WASHC4: variants seen among roughly 807,000 people sequenced by gnomAD.
WASHC4 encodes the protein WASH complex subunit 4, also known as WASH complex subunit 7.
WASHC4 carries 86 observed loss-of-function variants against 166.6 expected under a neutral mutation model. The ratio of observed to expected loss-of-function variants is 0.52; its 90% confidence interval spans 0.43 to 0.62. The LOEUF (loss-of-function observed/expected upper bound fraction) is 0.62, where lower values mean the gene tolerates loss of function less well. Among genes scored for constraint, WASHC4 ranks in the 20% least tolerant of loss-of-function variants. WASHC4 has a pLI of 0.00. For missense variants in WASHC4, 1,262 were observed against 1,382.4 expected, an observed-to-expected ratio of 0.91 and a Z score of 1.38; for synonymous variants, 446 against 451.6, an observed-to-expected ratio of 0.99 and a Z score of 0.16.
At chr12:105,164,494 G>A in intron 31 of WASHC4, 147 bp from the exon 32 acceptor site, 1 of 803,242 alleles carries the variant, frequency 1.2e-6, no homozygotes, top group Non-Finnish European at 2.0e-6. Flanking sequence ...TTAAAAATGG[G>A]CGGGTTACTT....
At position 105,126,292 on chromosome 12, in the gene WASHC4, T is replaced by C; in HGVS notation, c.968T>C (p.Val323Ala). Residue 323 changes from valine to alanine, a missense_variant, in exon 12 of 33, where the codon GTA (valine) becomes GCA (alanine). Transcript: ENST00000332180. The stretch of plus-strand genomic sequence containing the variant: ...TATGTTGGAATTTGTGGACTCTTTG[T>C]ATTGCACTTTCAGATTTTTCGAACT... The part of the protein sequence containing the change: ...DKYVGICGLF[V>A]LHFQIFRTID... 3 of 1,608,666 alleles carry C rather than the reference T, an allele frequency of 1.9e-6. No individual in the cohort carries two copies. Among genetic ancestry groups the C allele is most frequent in the Non-Finnish European group, 2.6e-6 (3 of 1,175,584 alleles).
intron 13 of WASHC4, among the ~76,000 whole-genome samples, chr12:105,133,421 CCTG>C (rs1438538135): frequency 6.6e-6 from 1 of 152,070 alleles, no homozygotes; most frequent in Non-Finnish European, 1.5e-5. Context: ...TCCTTTTTCC[CCTG>C]CTTTTATTTC....
chr12:105,114,600 C>A (rs79688893), intron 4 of WASHC4, among the ~76,000 whole-genome samples, 173 bp downstream of exon 4: 8,462 of 151,820 alleles, frequency 0.056, 783 homozygotes, highest in African/African-American at 0.19. Context: ...TACAAAACAC[C>A]AGGCTAACAC....
At position 105,152,248 on chromosome 12, in the gene WASHC4, A is replaced by C; in HGVS notation, c.2650-95A>C. The C allele has an allele frequency of 4.3e-6, 3 of 699,194 alleles. No individual in the cohort carries two copies. In the South Asian group the frequency reaches 4.7e-5, roughly 11 times the overall value. The allele number at this position is 699,194 out of a possible 1,614,324, so 43.3% of individuals were successfully genotyped here. A position where few individuals can be genotyped will look rare whatever the true frequency, so the allele number is the denominator to read the frequency against. ...AATTTTTAAGCACAATGAAATACAA[A>C]ATTGAAAGGAGAGTAGTATTGGCAT... On this transcript the variant is annotated intron_variant, in intron 25 of 32. Coordinates refer to ENST00000332180, the MANE Select transcript of WASHC4 (RefSeq NM_015275.3).
intron 1 of WASHC4, among the ~76,000 whole-genome samples, chr12:105,109,964 A>T (rs1879505053): frequency 6.6e-6 from 1 of 152,150 alleles, no homozygotes; most frequent in African/African-American, 2.4e-5. Flanking sequence ...TTTCCTGTGT[A>T]GTTGAGAATA....
intron 28 of WASHC4, among the ~76,000 whole-genome samples, chr12:105,159,239 T>C (rs1483650650): frequency 2.0e-5 from 3 of 151,910 alleles, no homozygotes; most frequent in African/African-American, 7.3e-5. Flanking sequence ...AATCAGAGAG[T>C]AGGATATTGT....
Position 105,158,660 on chromosome 12 carries a change from G to A in WASHC4, c.2912+1338G>A, listed in dbSNP as rs146255463. 1.3e-4 allele frequency among the ~76,000 whole-genome samples: 20 copies of A among 152,266 alleles called. No homozygotes were observed. In the East Asian group the frequency reaches 3.7e-3, roughly 28 times the overall value. The stretch of plus-strand genomic sequence containing the variant: ...GAAACAGCTGTAAAGGACATTTGAG[G>A]AATAATTGGGGGACATTTGAACATG... On this transcript the variant is annotated intron_variant, in intron 28 of 32. Coordinates refer to ENST00000332180, the MANE Select transcript of WASHC4 (RefSeq NM_015275.3).
At chr12:105,138,248 AG>A (rs1225329977) in intron 15 of WASHC4, among the ~76,000 whole-genome samples, 2 of 149,658 alleles carry the variant, frequency 1.3e-5, no homozygotes, top group Non-Finnish European at 2.9e-5. Flanking sequence ...CAGTTTACAC[AG>A]TAAAAAAAAA....
intron 7 of WASHC4, among the ~76,000 whole-genome samples, chr12:105,119,473 C>A (rs1372669485): frequency 6.6e-6 from 1 of 152,170 alleles, no homozygotes; most frequent in African/African-American, 2.4e-5. Flanking sequence ...TGGTCACCAG[C>A]ACATTCATTG....
intron 22 of WASHC4, among the ~76,000 whole-genome samples, chr12:105,145,471 A>G (rs1883218246): frequency 6.6e-6 from 1 of 152,042 alleles, no homozygotes; most frequent in Non-Finnish European, 1.5e-5. Flanking sequence ...AAATTTGAGG[A>G]TTCTAGTTTT....
At chr12:105,119,132 GA>G (rs1441403307) in intron 7 of WASHC4, among the ~76,000 whole-genome samples, 14 of 152,086 alleles carry the variant, frequency 9.2e-5, no homozygotes, top group African/African-American at 3.4e-4. Flanking sequence ...AAACAGAAAG[GA>G]AAAGATTGAG....
chr12:105,110,747 G>A (rs1879607901), intron 1 of WASHC4, among the ~76,000 whole-genome samples: 1 of 152,098 alleles, frequency 6.6e-6, no homozygotes, highest in Non-Finnish European at 1.5e-5. Flanking sequence ...TTCAGATCAT[G>A]AATATTTGTT....
chr12:105,115,555 A>C, intron 5 of WASHC4, 106 bp from the exon 6 acceptor site: 2 of 788,198 alleles, frequency 2.5e-6, no homozygotes. Context: ...TACTATGCAG[A>C]GTAAAAGATG....
chr12:105,117,997 C>G (rs914551225), intron 6 of WASHC4, among the ~76,000 whole-genome samples: 4 of 152,206 alleles, frequency 2.6e-5, no homozygotes, highest in African/African-American at 9.7e-5. Context: ...ACAGTGACTT[C>G]TGGAAACCCC....
At chr12:105,147,281 T>G (rs1234446753) in intron 24 of WASHC4, 135 bp downstream of exon 24, 1 of 677,738 alleles carries the variant, frequency 1.5e-6, no homozygotes, top group Non-Finnish European at 2.6e-6. Context: ...TTTTTTCTGG[T>G]TAGTAATTAA....
intron 32 of WASHC4, among the ~76,000 whole-genome samples, chr12:105,166,099 C>A (rs1884791593): frequency 6.6e-6 from 1 of 152,198 alleles, no homozygotes; most frequent in Non-Finnish European, 1.5e-5. Context: ...ACAAACAACC[C>A]TTCAGTCTCA....
chr12:105,141,637 C>T (rs1031511270), intron 18 of WASHC4, among the ~76,000 whole-genome samples: 7 of 152,144 alleles, frequency 4.6e-5, no homozygotes, highest in Admixed American at 1.3e-4. Flanking sequence ...TTTTAAGACA[C>T]GAATTTGAAT....
intron 13 of WASHC4, among the ~76,000 whole-genome samples, chr12:105,127,640 G>A (rs1881409025): frequency 6.6e-6 from 1 of 152,050 alleles, no homozygotes; most frequent in Admixed American, 6.5e-5. Flanking sequence ...GGTGATTTTG[G>A]GAGAGGTTGA....
chr12:105,142,343 A>C (rs1882941191), intron 18 of WASHC4, 110 bp from the exon 19 acceptor site: 3 of 718,588 alleles, frequency 4.2e-6, no homozygotes, highest in Non-Finnish European at 7.6e-6. Flanking sequence ...GATGTAGGGA[A>C]TGCGAACTGT....
Sources: gnomAD v4.1 joint callset for allele counts (sites outside exome capture counted in the v4.1 genomes callset) on GRCh38, gnomAD v4.1.1 for gene constraint, MANE v1.5 for transcripts, NCBI Gene and HGNC (gene_info 2026-07-23, HGNC 2026-07-21) for gene names.